Variants in LRMDA observed in about 807,000 individuals in gnomAD.
LRMDA encodes leucine rich melanocyte differentiation associated.
LRMDA carries 18 observed loss-of-function variants against 29.8 expected under a neutral mutation model. The observed-to-expected ratio is 0.60, with a 90% CI of 0.42 to 0.90. The LOEUF (loss-of-function observed/expected upper bound fraction) is 0.90, where lower values mean the gene tolerates loss of function less well. Among genes scored for constraint, LRMDA ranks in the 40% least tolerant of loss-of-function variants. LRMDA has a pLI of 0.00. For missense variants in LRMDA, 273 were observed against 273.9 expected (o/e 1.00, Z 0.02); for synonymous variants, 125 against 109.4 (o/e 1.14, Z -0.89).
chr10:75,752,202 G>C (rs1431505507), intron 2 of LRMDA, among the ~76,000 whole-genome samples: 1 of 147,522 alleles, frequency 6.8e-6, no homozygotes, highest in East Asian at 2.0e-4. Flanking sequence ...GTGATATAAC[G>C]TGTCTCTTTT....
At position 76,155,646 on chromosome 10, in the gene LRMDA, A is replaced by G. The variant is rs78403215; in HGVS notation, c.516+96863A>G. 1.0e-2 allele frequency among the ~76,000 whole-genome samples: 1,520 copies of G among 152,242 alleles called. 32 individuals are homozygous for G. The highest frequency in any genetic ancestry group is 0.035 in the African/African-American group (1,450 of 41,520). On this transcript the variant is annotated intron_variant, in intron 5 of 6. Transcript: ENST00000611255. The stretch of plus-strand genomic sequence containing the variant: ...TGTATTTTGGGATGGTGGAATCACA[A>G]CATCCATCTAGTAACTAGCTTACTA...
At chr10:75,586,516 C>T (rs939815404) in intron 2 of LRMDA, among the ~76,000 whole-genome samples, 6 of 151,904 alleles carry the variant, frequency 3.9e-5, no homozygotes, top group African/African-American at 1.5e-4. Flanking sequence ...CGCCACCATG[C>T]CTGGCTAATT....
chr10:75,674,302 G>A (rs920838829), intron 2 of LRMDA, among the ~76,000 whole-genome samples: 3 of 152,210 alleles, frequency 2.0e-5, no homozygotes, highest in Non-Finnish European at 2.9e-5. Flanking sequence ...TGGGCAACCC[G>A]CACAACACCT....
intron 5 of LRMDA, among the ~76,000 whole-genome samples, chr10:76,103,737 A>T (rs1849433702): frequency 6.6e-6 from 1 of 152,216 alleles, no homozygotes; most frequent in African/African-American, 2.4e-5. Context: ...AGCAAGATGC[A>T]GACTGGTATC....
At chr10:75,786,354 A>G (rs964024053) in intron 2 of LRMDA, among the ~76,000 whole-genome samples, 18 of 152,190 alleles carry the variant, frequency 1.2e-4, no homozygotes, top group Non-Finnish European at 1.9e-4. Context: ...CAGGCACCTA[A>G]ATGGTATCTA....
intron 2 of LRMDA, among the ~76,000 whole-genome samples, chr10:76,030,362 T>C (rs182049340): frequency 5.9e-5 from 9 of 152,234 alleles, no homozygotes; most frequent in African/African-American, 2.2e-4. Context: ...ATAATATGTA[T>C]AGTAATATAT....
At chr10:76,261,073 T>TTTC (rs1229692941) in intron 5 of LRMDA, among the ~76,000 whole-genome samples, 1 of 145,670 alleles carries the variant, frequency 6.9e-6, no homozygotes, top group African/African-American at 2.6e-5. Flanking sequence ...TCTTTTTTTT[T>TTTC]TTTTTTTTTG....
At chr10:75,791,276 G>A (rs1469091432) in intron 2 of LRMDA, among the ~76,000 whole-genome samples, 2 of 152,162 alleles carry the variant, frequency 1.3e-5, no homozygotes. Flanking sequence ...TAAAATTATT[G>A]TTAATTCCAC....
At chr10:75,741,866 G>A (rs1842833820) in intron 2 of LRMDA, among the ~76,000 whole-genome samples, 1 of 152,094 alleles carries the variant, frequency 6.6e-6, no homozygotes, top group Non-Finnish European at 1.5e-5. Flanking sequence ...TAGGAGGTGG[G>A]GCCTTTGGGG....
At chr10:75,550,932 T>C (rs2132054510) in intron 2 of LRMDA, among the ~76,000 whole-genome samples, 1 of 152,174 alleles carries the variant, frequency 6.6e-6, no homozygotes, top group Non-Finnish European at 1.5e-5. Context: ...AATGGTACTC[T>C]TCCATTTTCT....
chr10:75,531,606 G>A (rs1040861484), intron 2 of LRMDA, among the ~76,000 whole-genome samples: 6 of 152,194 alleles, frequency 3.9e-5, no homozygotes, highest in Admixed American at 6.5e-5. Context: ...AAATGAGGTG[G>A]TGTTTGACCT....
At chr10:76,066,800 C>T (rs1217356003) in intron 5 of LRMDA, among the ~76,000 whole-genome samples, 2 of 152,166 alleles carry the variant, frequency 1.3e-5, no homozygotes, top group African/African-American at 2.4e-5. Flanking sequence ...TTTGCAGTTT[C>T]CCCTGAGGGT....
chr10:75,708,382 G>A (rs1386419670), intron 2 of LRMDA, among the ~76,000 whole-genome samples: 1 of 152,128 alleles, frequency 6.6e-6, no homozygotes, highest in African/African-American at 2.4e-5. Context: ...AGAACATAAA[G>A]TTTGAATTTA....
chr10:75,975,553 C>T (rs767652397), intron 2 of LRMDA, among the ~76,000 whole-genome samples: 1 of 152,130 alleles, frequency 6.6e-6, no homozygotes, highest in Admixed American at 6.6e-5. Context: ...CTGTGTCCTT[C>T]GAGGACAGAT....
At chr10:75,509,194 T>A (rs1241213524) in intron 2 of LRMDA, among the ~76,000 whole-genome samples, 2 of 152,100 alleles carry the variant, frequency 1.3e-5, no homozygotes. Flanking sequence ...CTGGCTGACA[T>A]CTCCTACCCC....
chr10:75,464,541 C>T (rs1053942615), intron 2 of LRMDA, among the ~76,000 whole-genome samples: 4 of 152,166 alleles, frequency 2.6e-5, no homozygotes, highest in Admixed American at 6.5e-5. Context: ...GTAGCTGATA[C>T]TCATTTGGAT....
chr10:75,608,129 T>TATATATATATATATATAGACAC (rs11271217), intron 2 of LRMDA, among the ~76,000 whole-genome samples: 3 of 89,548 alleles, frequency 3.4e-5, no homozygotes, highest in Non-Finnish European at 8.1e-5. Flanking sequence ...TATATATATA[T>TATATATATATATATATAGACAC]ACACACACAT....
chr10:76,324,588 A>G, intron 6 of LRMDA, 103 bp downstream of exon 6: 2 of 1,002,474 alleles, frequency 2.0e-6, no homozygotes, highest in Non-Finnish European at 3.1e-6. Context: ...TAGAAAGAAC[A>G]CAGTGCTTTT....
chr10:76,284,531 A>G (rs999313069), intron 5 of LRMDA, among the ~76,000 whole-genome samples: 4 of 152,198 alleles, frequency 2.6e-5, no homozygotes, highest in Non-Finnish European at 5.9e-5. Context: ...TGCTAAGTTC[A>G]TGTGAACTTG....
Sources: allele counts gnomAD v4.1 joint callset (sites outside exome capture counted in the v4.1 genomes callset), GRCh38; gene constraint gnomAD v4.1.1; transcripts MANE v1.5; gene names NCBI Gene and HGNC (gene_info 2026-07-23, HGNC 2026-07-21).